Variants in NFIB observed in about 807,000 individuals in gnomAD.
The protein encoded by NFIB is nuclear factor 1 B-type.
Under a neutral mutation model 61.5 loss-of-function variants are expected in NFIB, and 11 were observed. The ratio of observed to expected loss-of-function variants is 0.18; its 90% CI spans 0.11 to 0.30. The LOEUF (loss-of-function observed/expected upper bound fraction) is 0.30, where lower values mean the gene tolerates loss of function less well. Among genes scored for constraint, NFIB ranks in the 10% least tolerant of loss-of-function variants. The pLI is 1.00. For missense variants in NFIB, 471 were observed against 608.9 expected (o/e 0.77, Z 2.38); for synonymous variants, 260 against 216.5 (o/e 1.20, Z -1.76).
the NFIB span, among the ~76,000 whole-genome samples, chr9:14,443,043 C>G: frequency 1.6e-5 from 2 of 127,604 alleles, no homozygotes; most frequent in African/African-American, 5.8e-5. Context: ...CCCGCCCCCC[C>G]GCCATGACTC....
intron 2 of NFIB, among the ~76,000 whole-genome samples, chr9:14,251,287 T>A (rs894088823): frequency 6.6e-6 from 1 of 152,192 alleles, no homozygotes; most frequent in South Asian, 2.1e-4. Flanking sequence ...ACGAAGGACA[T>A]GATATATTTA....
intron 3 of NFIB, among the ~76,000 whole-genome samples, chr9:14,158,674 A>T (rs572357912): frequency 6.6e-6 from 1 of 152,354 alleles, no homozygotes; most frequent in South Asian, 2.1e-4. Flanking sequence ...TACAATGTAG[A>T]TACAGATGGT....
At chr9:14,231,516 T>C (rs868860423) in intron 2 of NFIB, among the ~76,000 whole-genome samples, 4 of 152,084 alleles carry the variant, frequency 2.6e-5, no homozygotes, top group Non-Finnish European at 4.4e-5. Context: ...TCACAAACTA[T>C]TTTGATTGCA....
rs1465170579 is a variant in NFIB at position 14,136,405 on chromosome 9, T to C, written c.925+10284A>G. Among the ~76,000 whole-genome samples, 3 of 152,158 alleles carry C rather than the reference T, an allele frequency of 2.0e-5. No homozygotes were observed. In the East Asian group the frequency reaches 5.8e-4, roughly 29 times the overall value. On this transcript the variant is annotated intron_variant, in intron 6 of 10. Transcript: ENST00000380953. Reference sequence around the variant, plus strand: ...GGGAAAACCTCTTGGCTATGGAGTCTTATTAATGTTAAGCATCTGAGAGCC... The same window carrying C: ...GGGAAAACCTCTTGGCTATGGAGTCCTATTAATGTTAAGCATCTGAGAGCC...
chr9:14,409,025 G>C, the NFIB span, among the ~76,000 whole-genome samples: 2 of 152,148 alleles, frequency 1.3e-5, no homozygotes, highest in Non-Finnish European at 2.9e-5. Flanking sequence ...AGAAGTTACA[G>C]AAGTGTATGC....
At chr9:14,525,918 GT>G in the NFIB span, among the ~76,000 whole-genome samples, 64 of 152,262 alleles carry the variant, frequency 4.2e-4, no homozygotes, top group Non-Finnish European at 7.8e-4. Context: ...GCCACAATTT[GT>G]ATTAGCCCCC....
intron 2 of NFIB, among the ~76,000 whole-genome samples, chr9:14,206,501 T>C (rs1170690966): frequency 1.3e-5 from 2 of 151,986 alleles, no homozygotes; most frequent in Admixed American, 6.6e-5. Context: ...AGCTAATTTC[T>C]TTCCTTTCAT....
chr9:14,457,372 G>A, the NFIB span, among the ~76,000 whole-genome samples: 1 of 152,124 alleles, frequency 6.6e-6, no homozygotes, highest in African/African-American at 2.4e-5. Context: ...CCCTTTGAAA[G>A]AGGGCTATTT....
intron 2 of NFIB, among the ~76,000 whole-genome samples, chr9:14,253,900 T>A (rs1181965186): frequency 6.6e-6 from 1 of 152,172 alleles, no homozygotes; most frequent in African/African-American, 2.4e-5. Context: ...CTACACTGGA[T>A]AACTTCTTGT....
chr9:14,287,172 C>G (rs548274920), intron 2 of NFIB, among the ~76,000 whole-genome samples: 33 of 151,026 alleles, frequency 2.2e-4, no homozygotes, highest in Admixed American at 5.9e-4. Context: ...TGGCTCACAC[C>G]TGTAATCCCA....
chr9:14,129,207 C>A (rs1418125222), intron 6 of NFIB, among the ~76,000 whole-genome samples: 3 of 151,980 alleles, frequency 2.0e-5, no homozygotes, highest in Non-Finnish European at 4.4e-5. Context: ...ACTGACCAAA[C>A]TGAAAGGATT....
intron 2 of NFIB, among the ~76,000 whole-genome samples, chr9:14,190,170 G>C (rs1318650053): frequency 6.6e-6 from 1 of 151,988 alleles, no homozygotes; most frequent in Non-Finnish European, 1.5e-5. Flanking sequence ...AACTGGATGG[G>C]TTTTTTATAT....
the NFIB span, among the ~76,000 whole-genome samples, chr9:14,511,037 T>G: frequency 9.6e-3 from 1,459 of 152,238 alleles, 29 homozygotes; most frequent in African/African-American, 0.034. Context: ...AATTGGGAGG[T>G]TGAGGCTAAA....
At position 14,301,892 on chromosome 9, in the gene NFIB, T is replaced by G. The variant is rs182634859; in HGVS notation, c.562+5097A>C. ...CAAGACATGCCAATAAGAGCCCTTC[T>G]TTATCTTGTGAATTGTGTATGAGCC... On this transcript the variant is annotated intron_variant, in intron 2 of 10. Coordinates refer to ENST00000380953, the MANE Select transcript of NFIB (RefSeq NM_001190737.2). Among the ~76,000 whole-genome samples, 12 of 152,338 alleles carry G rather than the reference T, an allele frequency of 7.9e-5. No individual in the cohort carries two copies. The East Asian group carries it at 2.1e-3, about 27-fold the overall frequency.
intron 2 of NFIB, among the ~76,000 whole-genome samples, chr9:14,236,015 A>C (rs1323831715): frequency 6.6e-6 from 1 of 152,232 alleles, no homozygotes; most frequent in Non-Finnish European, 1.5e-5. Flanking sequence ...GCTGGGCTCC[A>C]GTATCAAGAG....
At chr9:14,419,176 T>C in the NFIB span, among the ~76,000 whole-genome samples, 1 of 150,598 alleles carries the variant, frequency 6.6e-6, no homozygotes, top group Non-Finnish European at 1.5e-5. Context: ...CTTTGAAAGG[T>C]TTTAATTGCT....
rs1260028872 is a variant in NFIB, at chr9:14,172,198, C to CT, written c.616+7528dup. On this transcript the variant is annotated intron_variant, in intron 3 of 10. Transcript: ENST00000380953. ...AATTTCAGGGGAAATCAAGATGAGA[C>CT]TTTGACATCCTTCATGCCATGTTAC... Among the ~76,000 whole-genome samples, 6 of 152,260 alleles carry CT rather than the reference C, an allele frequency of 3.9e-5. No homozygotes were observed. The East Asian group carries it at 1.2e-3, about 29-fold the overall frequency.
rs753482483 is a variant in NFIB at position 14,125,651 on chromosome 9, T to A, written c.1041A>T (p.Ile347=). The A allele has an allele frequency of 1.2e-6, 2 of 1,614,102 alleles. No homozygotes were observed. Among genetic ancestry groups the A allele is most frequent in the South Asian group, 2.2e-5 (2 of 91,086 alleles). ...CCTCACCACTGTGTGCAACTCCAGG[T>A]ATTCCGGGATGGTGGTGCTGGGGGA... ...STFPQHHHPG[I]PGVAHSVIST... The change falls in exon 7 of 11, where the codon ATA becomes ATT. Residue 347 remains isoleucine, a synonymous_variant. Coordinates refer to ENST00000380953, the MANE Select transcript of NFIB (RefSeq NM_001190737.2).
At chr9:14,459,598 A>C in the NFIB span, among the ~76,000 whole-genome samples, 3 of 152,140 alleles carry the variant, frequency 2.0e-5, no homozygotes, top group African/African-American at 4.8e-5. Context: ...GAATGGGAGA[A>C]AATTTTTGCA....
Sources: allele counts gnomAD v4.1 joint callset (sites outside exome capture counted in the v4.1 genomes callset), GRCh38; gene constraint gnomAD v4.1.1; transcripts MANE v1.5; gene names NCBI Gene and HGNC (gene_info 2026-07-23, HGNC 2026-07-21).